Variants in AKAP13 observed in about 807,000 individuals in gnomAD.
The protein encoded by AKAP13 is A-kinase anchoring protein 13.
A neutral mutation model predicts 264.5 loss-of-function variants in AKAP13; 80 were observed. The observed-to-expected ratio is 0.30, with a 90% CI of 0.25 to 0.36. AKAP13 has a LOEUF of 0.36. Ranked by LOEUF, AKAP13 falls within the 10% of genes least tolerant of loss-of-function variation. The probability of loss-of-function intolerance (pLI) is 1.00; values close to 1 mark genes in which losing one functional copy is unlikely to be tolerated. For synonymous variants in AKAP13, 1,380 were observed against 1,250.2 expected (o/e 1.10, Z -2.19); for missense variants, 3,712 against 3,435.2 (o/e 1.08, Z -2.01).
At chr15:85,496,616 C>T (rs1458226056) in intron 2 of AKAP13, among the ~76,000 whole-genome samples, 2 of 152,174 alleles carry the variant, frequency 1.3e-5, no homozygotes, top group African/African-American at 4.8e-5. Flanking sequence ...ACAGTTTTAT[C>T]GTTCTTCCTA....
At position 85,698,916 on chromosome 15, in the gene AKAP13, C is replaced by T. The variant is rs192094464; in HGVS notation, c.5464+5465C>T. On this transcript the variant is annotated intron_variant, in intron 17 of 36. Coordinates refer to ENST00000394518, the MANE Select transcript of AKAP13 (RefSeq NM_007200.5). ...CCGAGATCGAGCCCCTGCACTCCAG[C>T]CTGGGAAACAGAGCGAGACCTTGTC... 5.4e-3 allele frequency among the ~76,000 whole-genome samples: 759 copies of T among 140,914 alleles called. 10 individuals carry two copies. The highest frequency in any genetic ancestry group is 0.019 in the African/African-American group (720 of 37,270). 92.4% of individuals were successfully genotyped at this position (140,914 alleles called of 152,430 possible). A position where few individuals can be genotyped will look rare whatever the true frequency, so the allele number is the denominator to read the frequency against.
chr15:85,442,816 C>G (rs2073757219), intron 1 of AKAP13, among the ~76,000 whole-genome samples: 1 of 151,756 alleles, frequency 6.6e-6, no homozygotes, highest in African/African-American at 2.4e-5. Flanking sequence ...AGGATTCAGG[C>G]CTTTTAAAAA....
intron 7 of AKAP13, among the ~76,000 whole-genome samples, chr15:85,583,624 G>A (rs773697336): frequency 5.4e-4 from 82 of 152,226 alleles, no homozygotes; most frequent in African/African-American, 1.9e-3. Context: ...TTTTCATTTC[G>A]GTGCTGCGTC....
chr15:85,418,987 T>C (rs2072380995), intron 1 of AKAP13, among the ~76,000 whole-genome samples: 1 of 152,188 alleles, frequency 6.6e-6, no homozygotes, highest in Non-Finnish European at 1.5e-5. Flanking sequence ...GATGTTAAAA[T>C]AAGAAATGGA....
intron 1 of AKAP13, among the ~76,000 whole-genome samples, chr15:85,398,571 G>T (rs1290444633): frequency 1.3e-5 from 2 of 151,892 alleles, no homozygotes; most frequent in African/African-American, 4.8e-5. Flanking sequence ...TTTTGTTGTT[G>T]TTGAGACAGA....
intron 3 of AKAP13, among the ~76,000 whole-genome samples, chr15:85,531,078 C>T (rs988188048): frequency 2.6e-5 from 4 of 152,098 alleles, no homozygotes; most frequent in African/African-American, 4.8e-5. Flanking sequence ...CCAGGCTGGT[C>T]TCGAACTCCT....
intron 1 of AKAP13, among the ~76,000 whole-genome samples, chr15:85,404,692 T>C (rs1176508088): frequency 1.3e-5 from 2 of 152,096 alleles, no homozygotes; most frequent in African/African-American, 4.8e-5. Context: ...AAAGTTGTAC[T>C]TGTATATCTC....
rs1264685646 is a variant in AKAP13 at position 85,710,614 on chromosome 15, A to G, written c.5568A>G (p.Ser1856=). 3.7e-6 allele frequency: 6 copies of G among 1,613,882 alleles called. No individual in the cohort carries two copies. The highest frequency in any genetic ancestry group is 2.2e-5 in the East Asian group (1 of 44,874). ...GGAGCCTTCAGGCACATGACACATC[A>G]TCACTGCCCACGGTCATTATGAGAA... is the stretch of plus-strand genomic sequence containing the variant. ...PKGSLQAHDT[S]SLPTVIMRNK... Residue 1856 remains serine, a synonymous_variant, in exon 19 of 37, where the codon TCA becomes TCG. Coordinates refer to ENST00000394518, the MANE Select transcript of AKAP13 (RefSeq NM_007200.5).
intron 1 of AKAP13, among the ~76,000 whole-genome samples, chr15:85,424,619 A>G (rs994953410): frequency 6.6e-6 from 1 of 152,212 alleles, no homozygotes; most frequent in African/African-American, 2.4e-5. Context: ...CTTATTATTT[A>G]TGTGCTCACT....
chr15:85,720,397 TAATAA>T (rs1249131706), intron 23 of AKAP13, among the ~76,000 whole-genome samples: 1 of 152,194 alleles, frequency 6.6e-6, no homozygotes, highest in Non-Finnish European at 1.5e-5. Context: ...GTAAAATGCT[TAATAA>T]AATATGTATT....
intron 1 of AKAP13, among the ~76,000 whole-genome samples, chr15:85,401,333 G>A (rs766964571): frequency 6.6e-6 from 1 of 152,080 alleles, no homozygotes; most frequent in Non-Finnish European, 1.5e-5. Flanking sequence ...AAGTCTAGAT[G>A]TTACTTGGTT....
At chr15:85,446,034 G>A (rs1241036447) in intron 1 of AKAP13, among the ~76,000 whole-genome samples, 2 of 152,136 alleles carry the variant, frequency 1.3e-5, no homozygotes, top group African/African-American at 2.4e-5. Context: ...TTTAGTTGTA[G>A]AAGTGCCATG....
Position 85,742,281 on chromosome 15 carries a change from T to C in AKAP13, c.8058+786T>C, listed in dbSNP as rs117167197. Among the ~76,000 whole-genome samples the C allele has an allele frequency of 1.4e-4, 21 of 152,294 alleles. No homozygotes were observed. The East Asian group carries it at 3.3e-3, about 24-fold the overall frequency. On this transcript the variant is annotated intron_variant, in intron 35 of 36. Transcript: ENST00000394518. ...GATTTTAGGAGCAACGCCACTGCTC[T>C]GTGCCACATCAGAAATCAGGCATGG...
rs1297693715 is a variant in AKAP13 at position 85,442,483 on chromosome 15, TA to T, written c.-11-43226del. Among the ~76,000 whole-genome samples, 8 of 106,832 alleles carry T rather than the reference TA, an allele frequency of 7.5e-5. No homozygotes were observed. The South Asian group carries it at 1.6e-3, about 21-fold the overall frequency. The allele number at this position is 106,832 out of a possible 152,430, so 70.1% of individuals were successfully genotyped here. ...AATATACATAATATATATTATATAA[TA>T]TATATAATATATATTATATTATATA... On this transcript the variant is annotated intron_variant, in intron 1 of 36. Transcript: ENST00000394518.
At position 85,579,083 on chromosome 15, in the gene AKAP13, A is replaced by T. The variant is rs79064356; in HGVS notation, c.1015A>T (p.Thr339Ser). ...RLSSSEETES[T>S]QCCPGSPVAQ... is the part of the protein sequence containing the mutation. ...TTCTTCTTCTGAAGAGACTGAGAGC[A>T]CTCAGTGCTGCCCAGGGAGCCCTGT... The change falls in exon 7 of 37, where the codon ACT becomes TCT. Residue 339 changes from threonine to serine, a missense_variant. Transcript: ENST00000394518. The T allele has an allele frequency of 2.3e-4, 369 of 1,614,172 alleles. 3 individuals are homozygous for T. In the East Asian group the frequency reaches 7.8e-3, roughly 34 times the overall value.
chr15:85,656,481 C>G (rs919416023), intron 11 of AKAP13, among the ~76,000 whole-genome samples: 2 of 152,022 alleles, frequency 1.3e-5, no homozygotes, highest in Non-Finnish European at 2.9e-5. Context: ...GAGTCTCGCT[C>G]TGTCACCCAG....
At chr15:85,523,403 T>C (rs2076901381) in intron 3 of AKAP13, among the ~76,000 whole-genome samples, 1 of 152,176 alleles carries the variant, frequency 6.6e-6, no homozygotes, top group Non-Finnish European at 1.5e-5. Flanking sequence ...TCTGCCTTTG[T>C]GGACTTAGAC....
chr15:85,544,090 C>G (rs1596482182), intron 5 of AKAP13, 135 bp downstream of exon 5: 1 of 1,068,798 alleles, frequency 9.4e-7, no homozygotes, highest in Non-Finnish European at 1.4e-6. Flanking sequence ...TTGCCTTCTG[C>G]TGGAGGTTTG....
At chr15:85,476,446 G>C (rs1167180456) in intron 1 of AKAP13, among the ~76,000 whole-genome samples, 1 of 152,246 alleles carries the variant, frequency 6.6e-6, no homozygotes, top group African/African-American at 2.4e-5. Flanking sequence ...GAATGTGATA[G>C]AAGGTTAGTG....
Sources: allele counts gnomAD v4.1 joint callset (sites outside exome capture counted in the v4.1 genomes callset), GRCh38; gene constraint gnomAD v4.1.1; transcripts MANE v1.5; gene names NCBI Gene and HGNC (gene_info 2026-07-23, HGNC 2026-07-21).